THSD7A: variants seen among roughly 807,000 people sequenced by gnomAD.
THSD7A encodes the protein thrombospondin type 1 domain containing 7A.
Under a neutral mutation model 231.3 loss-of-function variants are expected in THSD7A, and 96 were observed. The ratio of observed to expected loss-of-function variants is 0.41; its 90% confidence interval spans 0.35 to 0.49. The LOEUF (loss-of-function observed/expected upper bound fraction) is 0.49, where lower values mean the gene tolerates loss of function less well. THSD7A is among the 20% of genes least tolerant of loss of function. The probability of loss-of-function intolerance (pLI) is 0.05; values close to 1 mark genes in which losing one functional copy is unlikely to be tolerated. For missense variants in THSD7A, 2,290 were observed against 2,070.2 expected, an observed-to-expected ratio of 1.11 and a Z score of -2.06; for synonymous variants, 940 against 743.3, an observed-to-expected ratio of 1.26 and a Z score of -4.30.
intron 12 of THSD7A, 117 bp downstream of exon 12, chr7:11,447,113 A>C: frequency 1.1e-6 from 1 of 946,248 alleles, no homozygotes; most frequent in Non-Finnish European, 1.6e-6. Context: ...TAAAATATAC[A>C]TCTAAATCCA....
chr7:11,527,997 T>C (rs1277851195), intron 6 of THSD7A, among the ~76,000 whole-genome samples: 1 of 151,864 alleles, frequency 6.6e-6, no homozygotes, highest in African/African-American at 2.4e-5. Context: ...TACAAAAAAA[T>C]AAAAACTTAA....
At chr7:11,659,900 C>A (rs1782862406) in intron 1 of THSD7A, among the ~76,000 whole-genome samples, 2 of 151,374 alleles carry the variant, frequency 1.3e-5, no homozygotes, top group Non-Finnish European at 3.0e-5. Flanking sequence ...ATCCAGTAAC[C>A]AGGACATTGG....
chr7:11,547,397 A>G (rs1244887774), intron 4 of THSD7A, among the ~76,000 whole-genome samples: 2 of 152,202 alleles, frequency 1.3e-5, no homozygotes, highest in African/African-American at 4.8e-5. Context: ...ACGCTATCTT[A>G]AGAGACCATA....
intron 22 of THSD7A, among the ~76,000 whole-genome samples, chr7:11,405,925 T>C (rs571702677): frequency 1.3e-5 from 2 of 152,238 alleles, no homozygotes; most frequent in African/African-American, 2.4e-5. Context: ...TTAGCCATTA[T>C]GTATTTAAAC....
intron 1 of THSD7A, among the ~76,000 whole-genome samples, chr7:11,638,096 C>T (rs546600802): frequency 1.3e-5 from 2 of 152,166 alleles, no homozygotes; most frequent in African/African-American, 4.8e-5. Flanking sequence ...TGTCGTCCTC[C>T]CTGATTGATG....
chr7:11,539,150 G>T (rs1180273492), intron 6 of THSD7A, among the ~76,000 whole-genome samples: 1 of 152,064 alleles, frequency 6.6e-6, no homozygotes, highest in East Asian at 1.9e-4. Context: ...AACAACATTT[G>T]GTGCAGCTGC....
At chr7:11,818,593 C>T (rs1406861079) in intron 1 of THSD7A, among the ~76,000 whole-genome samples, 1 of 152,152 alleles carries the variant, frequency 6.6e-6, no homozygotes, top group Non-Finnish European at 1.5e-5. Context: ...AAAAATGTTG[C>T]ATCTCCCACT....
At position 11,423,328 on chromosome 7, in the gene THSD7A, G is replaced by A. The variant is rs531015779; in HGVS notation, c.3383+1368C>T. ...AAATGCATGAAAGGTTGGGTTATGG[G>A]TAAGAATGAACTTCTTCATAACATG... is the stretch of plus-strand genomic sequence containing the variant. On this transcript the variant is annotated intron_variant, in intron 16 of 27. Coordinates refer to ENST00000423059, the MANE Select transcript of THSD7A (RefSeq NM_015204.3). Among the ~76,000 whole-genome samples the A allele has an allele frequency of 5.3e-5, 8 of 150,986 alleles. No homozygotes were observed. The South Asian group carries it at 1.5e-3, about 28-fold the overall frequency.
At chr7:11,496,632 A>G (rs1353227238) in intron 6 of THSD7A, among the ~76,000 whole-genome samples, 1 of 152,162 alleles carries the variant, frequency 6.6e-6, no homozygotes, top group Non-Finnish European at 1.5e-5. Flanking sequence ...AATAAATTAC[A>G]CTTCTTCCAA....
chr7:11,450,376 C>A (rs1010486748), intron 11 of THSD7A, among the ~76,000 whole-genome samples: 1 of 151,946 alleles, frequency 6.6e-6, no homozygotes, highest in East Asian at 1.9e-4. Context: ...GCACTTTACA[C>A]CTCTTATCTG....
At chr7:11,402,030 A>AT in intron 22 of THSD7A, 62 bp from the exon 23 acceptor site, 1 of 1,455,370 alleles carries the variant, frequency 6.9e-7, no homozygotes. Flanking sequence ...CCCGATAATC[A>AT]TTTTAATTCC....
chr7:11,773,390 G>T lies in THSD7A; in HGVS notation c.190+58367C>A, dbSNP rs116327160. Among the ~76,000 whole-genome samples, 1,426 of 152,054 alleles carry T rather than the reference G, an allele frequency of 9.4e-3. 17 individuals are homozygous for T. The highest frequency in any genetic ancestry group is 0.032 in the African/African-American group (1,338 of 41,478). On this transcript the variant is annotated intron_variant, in intron 1 of 27. Coordinates refer to ENST00000423059, the MANE Select transcript of THSD7A (RefSeq NM_015204.3). ...TCTACTAAAATACGAAATTAGCCAG[G>T]CATGGTGGTCATGCCTGTGACCCCA...
chr7:11,653,775 T>C (rs927048727), intron 1 of THSD7A, among the ~76,000 whole-genome samples: 1 of 151,904 alleles, frequency 6.6e-6, no homozygotes, highest in Non-Finnish European at 1.5e-5. Flanking sequence ...TTTATACCAG[T>C]ATTTTGCCAA....
chr7:11,717,427 C>G (rs1781178053), intron 1 of THSD7A, among the ~76,000 whole-genome samples: 1 of 151,626 alleles, frequency 6.6e-6, no homozygotes, highest in Non-Finnish European at 1.5e-5. Context: ...GCATTCCTAC[C>G]TCTCCTCACC....
rs61996270 is a variant in THSD7A at position 11,636,480 on chromosome 7, G to A, written c.672C>T (p.Pro224=). The part of the protein sequence containing the change: ...LQHRTRHVVA[P]PQFGGSGCPN... ...GACAGCCAGAGCCTCCGAACTGCGG[G>A]GGCGCCACCACATGACGCGTCCGGT... Residue 224 remains proline (P), a synonymous_variant, in exon 2 of 28, where the codon CCC becomes CCT. Coordinates refer to ENST00000423059, the MANE Select transcript of THSD7A (RefSeq NM_015204.3). This position sits in a 1 kb window ranked among gnomAD's most constrained non-coding sequence, Gnocchi z 10.0. 0.048 allele frequency: 78,031 copies of A among 1,613,536 alleles called. 2,164 individuals are homozygous for A. The highest frequency in any genetic ancestry group is 0.055 in the Non-Finnish European group (65,146 of 1,179,736).
At chr7:11,485,110 C>T (rs893082516) in intron 6 of THSD7A, among the ~76,000 whole-genome samples, 2 of 151,584 alleles carry the variant, frequency 1.3e-5, no homozygotes, top group Non-Finnish European at 2.9e-5. Flanking sequence ...AGGCTGGTCT[C>T]GAACTCCTGA....
At chr7:11,452,091 A>G (rs553254961) in intron 11 of THSD7A, among the ~76,000 whole-genome samples, 63 of 152,104 alleles carry the variant, frequency 4.1e-4, no homozygotes, top group African/African-American at 1.5e-3. Context: ...ATTAAACTGA[A>G]CAATATTAAC....
intron 2 of THSD7A, among the ~76,000 whole-genome samples, chr7:11,600,945 G>C (rs1780530400): frequency 6.6e-6 from 1 of 152,140 alleles, no homozygotes; most frequent in Non-Finnish European, 1.5e-5. Context: ...AGTCAGCTCT[G>C]TTTTCCCTAC....
At chr7:11,791,794 A>G (rs779288334) in intron 1 of THSD7A, among the ~76,000 whole-genome samples, 49 of 151,960 alleles carry the variant, frequency 3.2e-4, no homozygotes, top group Admixed American at 9.2e-4. Flanking sequence ...ATGAGTGTGT[A>G]TACAGTAACG....
Sources: allele counts gnomAD v4.1 joint callset (sites outside exome capture counted in the v4.1 genomes callset), GRCh38; gene constraint gnomAD v4.1.1; non-coding constraint Gnocchi (gnomAD v3.1); transcripts MANE v1.5; gene names NCBI Gene and HGNC (gene_info 2026-07-23, HGNC 2026-07-21).